The following GRID2 variants were observed in gnomAD, a reference collection of about 807,000 sequenced individuals.
The protein encoded by GRID2 is glutamate receptor ionotropic, delta-2.
Under a neutral mutation model 114.8 loss-of-function variants are expected in GRID2, and 33 were observed. That is an observed-to-expected ratio of 0.29 (90% CI 0.22 to 0.38). The LOEUF (loss-of-function observed/expected upper bound fraction) is 0.38. Ranked by LOEUF, GRID2 falls within the 10% of genes least tolerant of loss-of-function variation. The probability of loss-of-function intolerance (pLI) is 1.00; values close to 1 mark genes in which losing one functional copy is unlikely to be tolerated. For synonymous variants in GRID2, 505 were observed against 449.9 expected, an observed-to-expected ratio of 1.12 and a Z score of -1.55; for missense variants, 1,184 against 1,257.7, an observed-to-expected ratio of 0.94 and a Z score of 0.89.
At chr4:93,100,877 G>C (rs891126875) in intron 3 of GRID2, among the ~76,000 whole-genome samples, 1 of 152,010 alleles carries the variant, frequency 6.6e-6, no homozygotes, top group African/African-American at 2.4e-5. Flanking sequence ...TAATCAGACT[G>C]AGAATTACTA....
chr4:92,511,664 A>G (rs1724257554), intron 1 of GRID2, among the ~76,000 whole-genome samples: 1 of 151,940 alleles, frequency 6.6e-6, no homozygotes, highest in Non-Finnish European at 1.5e-5. Context: ...TTAAAATATT[A>G]GGATTAAAAG....
At chr4:93,605,366 C>G (rs2149649705) in intron 13 of GRID2, among the ~76,000 whole-genome samples, 1 of 152,266 alleles carries the variant, frequency 6.6e-6, no homozygotes, top group Admixed American at 6.5e-5. Context: ...TTCTATGAAA[C>G]TGTGCTGAGT....
At chr4:93,485,231 A>AT (rs781762022) in intron 11 of GRID2, among the ~76,000 whole-genome samples, 69 of 151,420 alleles carry the variant, frequency 4.6e-4, no homozygotes, top group Non-Finnish European at 1.6e-4. Context: ...CCACCTATCC[A>AT]TTTTTCTGAT....
intron 8 of GRID2, among the ~76,000 whole-genome samples, chr4:93,316,359 G>T (rs539585056): frequency 8.3e-6 from 1 of 121,154 alleles, no homozygotes; most frequent in Non-Finnish European, 1.7e-5. Flanking sequence ...AAGGAAGGAA[G>T]GAAAAGAAAA....
chr4:92,807,334 A>C (rs1740468693), intron 2 of GRID2, among the ~76,000 whole-genome samples: 1 of 151,964 alleles, frequency 6.6e-6, no homozygotes, highest in South Asian at 2.1e-4. Context: ...TAAAAAATAA[A>C]ACTACCTAGG....
intron 8 of GRID2, among the ~76,000 whole-genome samples, chr4:93,275,789 A>AT (rs1751992334): frequency 6.6e-6 from 1 of 151,624 alleles, no homozygotes; most frequent in South Asian, 2.1e-4. Context: ...GTCCTTTCAA[A>AT]TTTTTCGATC....
chr4:92,910,222 A>T lies in GRID2; in HGVS notation c.245-174773A>T, dbSNP rs1025123706. Among the ~76,000 whole-genome samples, 12 of 152,232 alleles carry T rather than the reference A, an allele frequency of 7.9e-5. No homozygotes were observed. The South Asian group carries it at 1.0e-3, about 13-fold the overall frequency. On this transcript the variant is annotated intron_variant, in intron 2 of 15. Coordinates refer to ENST00000282020, the MANE Select transcript of GRID2 (RefSeq NM_001510.4). Reference sequence around the variant, plus strand: ...GTTTGAAAAAAATAAAAATAAAAAAAAAAAGTAAATGCTCAGGACTTAATC... The same window carrying T: ...GTTTGAAAAAAATAAAAATAAAAAATAAAAGTAAATGCTCAGGACTTAATC...
intron 2 of GRID2, among the ~76,000 whole-genome samples, chr4:92,980,070 A>C (rs1482824165): frequency 6.6e-6 from 1 of 152,152 alleles, no homozygotes; most frequent in Non-Finnish European, 1.5e-5. Context: ...TATTTGCCTT[A>C]ATAATAATGT....
At chr4:92,309,377 T>A (rs1439154295) in intron 1 of GRID2, among the ~76,000 whole-genome samples, 3 of 152,024 alleles carry the variant, frequency 2.0e-5, no homozygotes, top group African/African-American at 7.2e-5. Context: ...TATTGGATCA[T>A]CATGATATTT....
chr4:93,759,982 G>A (rs1733068938), intron 14 of GRID2, among the ~76,000 whole-genome samples: 2 of 152,182 alleles, frequency 1.3e-5, no homozygotes, highest in Non-Finnish European at 2.9e-5. Flanking sequence ...TTTGAAAGCA[G>A]AATGTATCAC....
intron 2 of GRID2, among the ~76,000 whole-genome samples, chr4:93,016,634 G>A (rs1722769270): frequency 6.6e-6 from 1 of 152,048 alleles, no homozygotes; most frequent in Non-Finnish European, 1.5e-5. Flanking sequence ...AGGAGCAAGG[G>A]AAAGAATCTA....
Position 93,644,158 on chromosome 4 carries a change from G to A in GRID2, c.2360+17723G>A, listed in dbSNP as rs1201034837. 3.4e-5 allele frequency among the ~76,000 whole-genome samples: 3 copies of A among 88,170 alleles called. 1 individual carries two copies. Among genetic ancestry groups the A allele is most frequent in the Non-Finnish European group, 6.5e-5 (3 of 45,814 alleles). 57.8% of individuals were successfully genotyped at this position (88,170 alleles called of 152,430 possible). On this transcript the variant is annotated intron_variant, in intron 14 of 15. Transcript: ENST00000282020. The stretch of plus-strand genomic sequence containing the variant: ...CGCTTCCCAGGTGAGGCAATGCCTC[G>A]CCCTGCTTCGGCTCGCGCACGGTGC...
intron 8 of GRID2, among the ~76,000 whole-genome samples, chr4:93,351,962 A>G (rs1439669387): frequency 6.6e-6 from 1 of 152,000 alleles, no homozygotes; most frequent in African/African-American, 2.4e-5. Context: ...TATGCCTTAC[A>G]CTTTCATTCA....
At position 93,263,617 on chromosome 4, in the gene GRID2, T is replaced by G. The variant is rs149444600; in HGVS notation, c.1245+25127T>G. On this transcript the variant is annotated intron_variant, in intron 8 of 15. Coordinates refer to ENST00000282020, the MANE Select transcript of GRID2 (RefSeq NM_001510.4). Reference sequence around the variant, plus strand: ...GAATTAAATAGATGACTTGCTTTCATCTTTGTTTCACAATATAGTTCATTT... The same window carrying G: ...GAATTAAATAGATGACTTGCTTTCAGCTTTGTTTCACAATATAGTTCATTT... Among the ~76,000 whole-genome samples, 32 of 152,278 alleles carry G rather than the reference T, an allele frequency of 2.1e-4. No homozygotes were observed. In the East Asian group the frequency reaches 5.6e-3, roughly 27 times the overall value.
chr4:93,294,132 G>A (rs1483065309), intron 8 of GRID2, among the ~76,000 whole-genome samples: 1 of 152,136 alleles, frequency 6.6e-6, no homozygotes, highest in Non-Finnish European at 1.5e-5. Flanking sequence ...AGCTATGTGG[G>A]ACTAGGACAT....
chr4:92,509,402 C>T (rs1210872206), intron 1 of GRID2, among the ~76,000 whole-genome samples: 1 of 151,858 alleles, frequency 6.6e-6, no homozygotes, highest in Non-Finnish European at 1.5e-5. Context: ...TGGCACTATT[C>T]TCACTTTTTA....
intron 4 of GRID2, among the ~76,000 whole-genome samples, chr4:93,181,702 T>G (rs1292061100): frequency 3.9e-5 from 6 of 152,182 alleles, no homozygotes; most frequent in African/African-American, 1.4e-4. Flanking sequence ...TGCACCCTCA[T>G]GAACCAGCCT....
intron 8 of GRID2, among the ~76,000 whole-genome samples, chr4:93,371,741 C>CTTTT (rs1205096650): frequency 1.4e-3 from 128 of 89,764 alleles, no homozygotes; most frequent in African/African-American, 1.9e-3. Context: ...ATCACTATTT[C>CTTTT]TTTTTTTTTT....
chr4:93,764,871 C>T (rs1265572663), intron 14 of GRID2, among the ~76,000 whole-genome samples: 1 of 152,132 alleles, frequency 6.6e-6, no homozygotes, highest in Non-Finnish European at 1.5e-5. Context: ...GTTCCATAAA[C>T]TCAAAAGTTT....
Sources: gnomAD v4.1 joint callset for allele counts (sites outside exome capture counted in the v4.1 genomes callset) on GRCh38, gnomAD v4.1.1 for gene constraint, MANE v1.5 for transcripts, NCBI Gene and HGNC (gene_info 2026-07-23, HGNC 2026-07-21) for gene names.